The following ZNF789 variants were observed in gnomAD, a reference collection of about 807,000 sequenced individuals.
ZNF789 encodes zinc finger protein 789.
In ZNF789, 11 loss-of-function variants were observed where a neutral mutation model predicts 15.6. The observed-to-expected ratio is 0.70, with a 90% CI of 0.44 to 1.16. The LOEUF (loss-of-function observed/expected upper bound fraction) is 1.16. Ranked by LOEUF, ZNF789 falls within the 50% of genes most tolerant of loss-of-function variation. The pLI is 0.00. For synonymous variants in ZNF789, 159 were observed against 176.0 expected (o/e 0.90, Z 0.76); for missense variants, 461 against 512.6 (o/e 0.90, Z 0.97).
chr7:99,486,344 G>A (rs1443027172), intron 4 of ZNF789, 132 bp from the exon 5 acceptor site: 1 of 943,670 alleles, frequency 1.1e-6, no homozygotes, highest in Non-Finnish European at 1.5e-6. Context: ...TTGGCCTCTT[G>A]AGTCTGATGA....
rs140534464 is a variant in ZNF789, at chr7:99,474,171, G to T, written c.-55+1115G>T. On this transcript the variant is annotated intron_variant, in intron 1 of 4. Coordinates refer to ENST00000331410, the MANE Select transcript of ZNF789 (RefSeq NM_213603.3). ...CACATTCAGTAAATATAGTGCAGGG[G>T]TGTCCAATCTCTTGGCTTCCCTGGG... is the stretch of plus-strand genomic sequence containing the variant. Among the ~76,000 whole-genome samples the T allele has an allele frequency of 4.4e-4, 67 of 152,304 alleles. No homozygotes were observed. In the East Asian group the frequency reaches 8.1e-3, roughly 18 times the overall value.
intron 3 of ZNF789, chr7:99,480,477 G>A (rs1402798139): frequency 1.3e-5 from 2 of 152,126 alleles, no homozygotes; most frequent in African/African-American, 4.8e-5. Context: ...TGGTCCTAAG[G>A]GTTTCACATA....
intron 4 of ZNF789, 105 bp from the exon 5 acceptor site, chr7:99,486,368 ACTT>A (rs1356842000): frequency 1.1e-5 from 12 of 1,116,114 alleles, no homozygotes; most frequent in Non-Finnish European, 1.5e-5. Context: ...AAACGAGATC[ACTT>A]CTTAGCTTCA....
chr7:99,474,996 A>G (rs1799241797), intron 1 of ZNF789, among the ~76,000 whole-genome samples: 1 of 152,140 alleles, frequency 6.6e-6, no homozygotes, highest in Admixed American at 6.6e-5. Flanking sequence ...AAAAAAAGAA[A>G]GGCAAAGGGT....
intron 4 of ZNF789, among the ~76,000 whole-genome samples, chr7:99,486,267 A>G (rs1470908886): frequency 2.0e-5 from 3 of 152,126 alleles, no homozygotes; most frequent in Non-Finnish European, 4.4e-5. Context: ...GCAGTAAGCT[A>G]TCATGCCACT....
intron 2 of ZNF789, chr7:99,479,436 C>A (rs146020523): frequency 1.0e-4 from 41 of 402,952 alleles, no homozygotes; most frequent in African/African-American, 7.8e-4. Context: ...TATTTACCAT[C>A]TGGCCCTTTA....
In ZNF789 at chr7:99,484,450, T is replaced by G. The variant is rs1263431246; in HGVS notation, c.265+307T>G. 2.6e-5 allele frequency among the ~76,000 whole-genome samples: 4 copies of G among 152,132 alleles called. No homozygotes were observed. The East Asian group carries it at 7.7e-4, about 29-fold the overall frequency. ...GCCTGGCCAACATGGTGAAACCCCG[T>G]CTCTACTGAAAATATAAAAATTAGC... On this transcript the variant is annotated intron_variant, in intron 4 of 4. Transcript: ENST00000331410.
chr7:99,476,993 C>G (rs1799369852), intron 2 of ZNF789, among the ~76,000 whole-genome samples: 1 of 151,606 alleles, frequency 6.6e-6, no homozygotes. Flanking sequence ...AATGGAAGGT[C>G]AGTTATTGAA....
chr7:99,482,030 T>A (rs1799660392), intron 3 of ZNF789: 2 of 648,050 alleles, frequency 3.1e-6, no homozygotes, highest in Admixed American at 2.7e-5. Flanking sequence ...TTTTTTGGAT[T>A]TTGGAATACT....
Position 99,484,142 on chromosome 7 carries a change from A to G in ZNF789, c.264A>G (p.Pro88=). 2 of 1,612,850 alleles carry G rather than the reference A, an allele frequency of 1.2e-6. No homozygotes were observed. Among genetic ancestry groups the G allele is most frequent in the Non-Finnish European group, 8.5e-7 (1 of 1,179,044 alleles). Residue 88 remains proline (P), a splice_region_variant and synonymous_variant, in exon 4 of 5, where the codon CCA becomes CCG. Coordinates refer to ENST00000331410, the MANE Select transcript of ZNF789 (RefSeq NM_213603.3). The part of the protein sequence containing the change: ...GNRKASGSAC[P]GSEARHKMKK... ...GGAAGGCTTCCGGTAGTGCTTGCCCAGGTGGGTGAGGAAGAGACCCAGGCG... is the reference window on the plus strand; with the variant it reads ...GGAAGGCTTCCGGTAGTGCTTGCCCGGGTGGGTGAGGAAGAGACCCAGGCG...
chr7:99,479,583 G>A (rs1799511298), intron 2 of ZNF789, 78 bp from the exon 3 acceptor site: 3 of 1,484,840 alleles, frequency 2.0e-6, no homozygotes, highest in Non-Finnish European at 1.8e-6. Flanking sequence ...CCAAACCTTG[G>A]TTTCCTCAGC....
chr7:99,487,417 G>A lies in ZNF789; in HGVS notation c.1207G>A (p.Gly403Arg), dbSNP rs1800029762. 1.9e-6 allele frequency: 3 copies of A among 1,614,086 alleles called. No individual in the cohort carries two copies. The highest frequency in any genetic ancestry group is 1.3e-5 in the African/African-American group (1 of 74,922). The part of the protein sequence containing the change: ...GSQPYQCVIC[G>R]KSFKWHTSFI... ...CCAACCCTACCAATGTGTCATATGT[G>A]GAAAATCTTTCAAGTGGCACACAAG... is the stretch of plus-strand genomic sequence containing the variant. The change falls in exon 5 of 5, where the codon GGA becomes AGA. Residue 403 changes from glycine (G) to arginine (R), a missense_variant. Transcript: ENST00000331410.
chr7:99,473,991 T>C (rs1353524205), intron 1 of ZNF789, among the ~76,000 whole-genome samples: 2 of 152,188 alleles, frequency 1.3e-5, no homozygotes, highest in African/African-American at 2.4e-5. Flanking sequence ...TCATAGCTCA[T>C]TGCAGTCTCC....
At chr7:99,479,578 C>T in intron 2 of ZNF789, 83 bp from the exon 3 acceptor site, 1 of 1,475,644 alleles carries the variant, frequency 6.8e-7, no homozygotes, top group Admixed American at 2.4e-5. Flanking sequence ...ACCTCCCAAA[C>T]CTTGGTTTCC....
chr7:99,477,169 A>G (rs1799381175), intron 2 of ZNF789, among the ~76,000 whole-genome samples: 1 of 151,894 alleles, frequency 6.6e-6, no homozygotes, highest in Non-Finnish European at 1.5e-5. Context: ...CAGCCTCCCA[A>G]GTAGCTGGGA....
intron 1 of ZNF789, among the ~76,000 whole-genome samples, chr7:99,475,337 G>A (rs1799266532): frequency 6.6e-6 from 1 of 152,026 alleles, no homozygotes; most frequent in African/African-American, 2.4e-5. Flanking sequence ...GGAGGTTGCA[G>A]TGAGCAGAGA....
chr7:99,474,027 AATGT>A (rs1799165874), intron 1 of ZNF789, among the ~76,000 whole-genome samples: 2 of 152,326 alleles, frequency 1.3e-5, no homozygotes, highest in Middle Eastern at 3.4e-3. Flanking sequence ...GGGAGAAATC[AATGT>A]ATTTTAAATG....
chr7:99,479,852 C>T, intron 3 of ZNF789, 65 bp downstream of exon 3: 2 of 1,484,008 alleles, frequency 1.3e-6, no homozygotes, highest in South Asian at 1.4e-5. Flanking sequence ...CCCTTAGTCC[C>T]TTATCTGCAA....
Position 99,484,092 on chromosome 7 carries a change from C to A in ZNF789, c.214C>A (p.Leu72Met). The part of the protein sequence containing the change: ...QLENWDEQWI[L>M]DLPRTGNRKA... ...GGAGAACTGGGACGAGCAGTGGATC[C>A]TGGATCTACCGAGAACTGGGAATAG... Residue 72 changes from leucine to methionine, a missense_variant, in exon 4 of 5, where the codon CTG (leucine) becomes ATG (methionine). Transcript: ENST00000331410. 2 of 1,614,074 alleles carry A rather than the reference C, an allele frequency of 1.2e-6. No individual in the cohort carries two copies. Among genetic ancestry groups the A allele is most frequent in the South Asian group, 1.1e-5 (1 of 91,062 alleles).
Sources: allele counts gnomAD v4.1 joint callset (sites outside exome capture counted in the v4.1 genomes callset), GRCh38; gene constraint gnomAD v4.1.1; transcripts MANE v1.5; gene names NCBI Gene and HGNC (gene_info 2026-07-23, HGNC 2026-07-21).